The following MALRD1 variants were observed in gnomAD, a reference collection of about 807,000 sequenced individuals.
The protein encoded by MALRD1 is MAM and LDL receptor class A domain containing 1.
MALRD1 carries 247 observed loss-of-function variants against 242.1 expected under a neutral mutation model. The ratio of observed to expected loss-of-function variants is 1.02; its 90% CI spans 0.92 to 1.13. The LOEUF is 1.13. Among genes scored for constraint, MALRD1 ranks in the 50% most tolerant of loss-of-function variants. The probability of loss-of-function intolerance (pLI) is 0.00; values close to 1 mark genes in which losing one functional copy is unlikely to be tolerated. For synonymous variants in MALRD1, 995 were observed against 866.6 expected (o/e 1.15, Z -2.60); for missense variants, 2,989 against 2,533.1 (o/e 1.18, Z -3.86).
At chr10:19,161,205 G>C (rs1319779009) in intron 12 of MALRD1, among the ~76,000 whole-genome samples, 1 of 134,940 alleles carries the variant, frequency 7.4e-6, no homozygotes, top group African/African-American at 2.8e-5. Context: ...CCTTTGTAGG[G>C]ACATGGATGA....
At chr10:19,580,994 A>G (rs1837093782) in intron 33 of MALRD1, among the ~76,000 whole-genome samples, 1 of 152,168 alleles carries the variant, frequency 6.6e-6, no homozygotes, top group Non-Finnish European at 1.5e-5. Flanking sequence ...AAATATATGG[A>G]AATGAAATAA....
chr10:19,546,163 A>G (rs1032127754), intron 32 of MALRD1, among the ~76,000 whole-genome samples: 2 of 152,118 alleles, frequency 1.3e-5, no homozygotes, highest in African/African-American at 4.8e-5. Context: ...CTATAGATGG[A>G]TGAGTCTAGG....
At chr10:19,291,392 G>A (rs1841415177) in intron 21 of MALRD1, 1 of 152,046 alleles carries the variant, frequency 6.6e-6, no homozygotes, top group African/African-American at 2.4e-5. Context: ...TAAAATCTCT[G>A]GGAATGAGGC....
chr10:19,693,967 C>A (rs12248694), intron 38 of MALRD1, among the ~76,000 whole-genome samples: 4,602 of 152,008 alleles, frequency 0.03, 166 homozygotes, highest in East Asian at 0.11. Context: ...CAAAAACAAG[C>A]AATGGGGAAA....
At chr10:19,070,387 G>A (rs113175605) in intron 2 of MALRD1, among the ~76,000 whole-genome samples, 3 of 152,000 alleles carry the variant, frequency 2.0e-5, no homozygotes, top group African/African-American at 4.8e-5. Context: ...ATTGCATATT[G>A]TACTGAAAGT....
chr10:19,353,889 TTTG>T (rs1844507303), intron 26 of MALRD1, among the ~76,000 whole-genome samples: 1 of 152,076 alleles, frequency 6.6e-6, no homozygotes, highest in African/African-American at 2.4e-5. Flanking sequence ...TGTTTGTTTG[TTTG>T]TTTTTTGTTT....
rs886145585 is a variant in MALRD1, at chr10:19,331,891, G to A, written c.3901+309G>A. On this transcript the variant is annotated intron_variant, in intron 24 of 39. Coordinates refer to ENST00000454679, the MANE Select transcript of MALRD1 (RefSeq NM_001142308.3). Reference sequence around the variant, plus strand: ...CATATGAAAGTGGTTTTTTTGAGACGGAATCTCACTCTGTTGCAGGATGGA... The same window carrying A: ...CATATGAAAGTGGTTTTTTTGAGACAGAATCTCACTCTGTTGCAGGATGGA... Among the ~76,000 whole-genome samples, 13 of 152,176 alleles carry A rather than the reference G, an allele frequency of 8.5e-5. No individual in the cohort carries two copies. In the East Asian group the frequency reaches 2.5e-3, roughly 29 times the overall value.
At chr10:19,164,382 A>G (rs1315598203) in intron 12 of MALRD1, among the ~76,000 whole-genome samples, 1 of 152,208 alleles carries the variant, frequency 6.6e-6, no homozygotes, top group Non-Finnish European at 1.5e-5. Context: ...GAATCTGTCC[A>G]TTTATCAGTA....
rs141088824 is a variant in MALRD1 at position 19,641,165 on chromosome 10, A to G, written c.6137+25242A>G. 4.0e-4 allele frequency among the ~76,000 whole-genome samples: 61 copies of G among 152,324 alleles called. 1 individual carries two copies. Among genetic ancestry groups the G allele is most frequent in the African/African-American group, 1.4e-3 (59 of 41,572 alleles). On this transcript the variant is annotated intron_variant, in intron 36 of 39. Transcript: ENST00000454679. ...GGCGGGTAATTTTTTTAGGACAGCA[A>G]ATATGGTAGGATGAATGTGACAAAC...
At chr10:19,575,498 C>G (rs1347293425) in intron 33 of MALRD1, among the ~76,000 whole-genome samples, 1 of 151,892 alleles carries the variant, frequency 6.6e-6, no homozygotes, top group African/African-American at 2.4e-5. Context: ...CACACACACA[C>G]ACACACACAC....
chr10:19,365,680 A>C (rs926318059), intron 26 of MALRD1, among the ~76,000 whole-genome samples: 3 of 148,714 alleles, frequency 2.0e-5, no homozygotes, highest in Non-Finnish European at 3.0e-5. Context: ...AAAAAAAAAA[A>C]AAAAAAAACA....
chr10:19,302,466 C>T (rs1055843321), intron 21 of MALRD1, among the ~76,000 whole-genome samples: 9 of 151,860 alleles, frequency 5.9e-5, no homozygotes, highest in South Asian at 2.1e-4. Flanking sequence ...AATGGAATGA[C>T]GGACCGTTGT....
intron 21 of MALRD1, among the ~76,000 whole-genome samples, chr10:19,307,576 C>T (rs182108874): frequency 3.3e-5 from 5 of 151,480 alleles, no homozygotes; most frequent in African/African-American, 4.8e-5. Context: ...CTTAAGGAAA[C>T]AGACTGAGGC....
intron 18 of MALRD1, among the ~76,000 whole-genome samples, chr10:19,241,500 T>TACACTTTG (rs1838772100): frequency 6.6e-6 from 1 of 152,142 alleles, no homozygotes; most frequent in Admixed American, 6.6e-5. Context: ...GTTTTACCTT[T>TACACTTTG]ACACTTTGTT....
At chr10:19,647,078 C>T (rs1840692900) in intron 36 of MALRD1, among the ~76,000 whole-genome samples, 1 of 152,142 alleles carries the variant, frequency 6.6e-6, no homozygotes, top group Non-Finnish European at 1.5e-5. Flanking sequence ...GTTTCAACAA[C>T]AGAGCCCTAG....
intron 36 of MALRD1, among the ~76,000 whole-genome samples, chr10:19,624,018 A>C (rs1355592657): frequency 1.3e-5 from 2 of 152,170 alleles, no homozygotes; most frequent in Non-Finnish European, 2.9e-5. Flanking sequence ...TAAGCAACAT[A>C]TTCTGATAGG....
intron 10 of MALRD1, among the ~76,000 whole-genome samples, chr10:19,140,846 A>G (rs1166382685): frequency 6.6e-6 from 1 of 152,154 alleles, no homozygotes; most frequent in South Asian, 2.1e-4. Flanking sequence ...TACAAGATGA[A>G]TAAGTTCTGG....
At position 19,123,550 on chromosome 10, in the gene MALRD1, T is replaced by C; in HGVS notation, c.753T>C (p.Asp251=). The change falls in exon 6 of 40, where the codon GAT becomes GAC. Residue 251 remains aspartate, a synonymous_variant. Transcript: ENST00000454679. ...CTGAGCGGGAGCTATGCCATCCAGA[T>C]ACAGATCTCTGCAGATTTGATGCTA... ...LNAERELCHP[D]TDLCRFDATD... 2 of 1,233,764 alleles carry C rather than the reference T, an allele frequency of 1.6e-6. No individual in the cohort carries two copies. The highest frequency in any genetic ancestry group is 2.0e-6 in the Non-Finnish European group (2 of 988,022). 76.4% of individuals were successfully genotyped at this position (1,233,764 alleles called of 1,614,324 possible). A position where few individuals can be genotyped will look rare whatever the true frequency, so the allele number is the denominator to read the frequency against.
intron 26 of MALRD1, among the ~76,000 whole-genome samples, chr10:19,378,883 C>T (rs1845716467): frequency 6.6e-6 from 1 of 152,052 alleles, no homozygotes; most frequent in Non-Finnish European, 1.5e-5. Flanking sequence ...TGTTGGGTTA[C>T]TATTCTTTCT....
Sources: allele counts gnomAD v4.1 joint callset (sites outside exome capture counted in the v4.1 genomes callset), GRCh38; gene constraint gnomAD v4.1.1; transcripts MANE v1.5; gene names NCBI Gene and HGNC (gene_info 2026-07-23, HGNC 2026-07-21).